The following PCDH15 variants were observed in gnomAD, a reference collection of about 807,000 sequenced individuals.
PCDH15 encodes protocadherin-15.
PCDH15 carries 129 observed loss-of-function variants against 178.5 expected under a neutral mutation model. That is an observed-to-expected ratio of 0.72 (90% CI 0.63 to 0.84). PCDH15 has a LOEUF of 0.84. PCDH15 is among the 40% of genes least tolerant of loss of function. The pLI, the probability that PCDH15 is intolerant of heterozygous loss-of-function variation, is 0.00. For synonymous variants in PCDH15, 800 were observed against 732.0 expected (o/e 1.09, Z -1.50); for missense variants, 2,230 against 2,099.9 (o/e 1.06, Z -1.21).
intron 26 of PCDH15, among the ~76,000 whole-genome samples, chr10:53,880,031 G>C (rs537678819): frequency 2.0e-5 from 3 of 152,102 alleles, no homozygotes; most frequent in Non-Finnish European, 4.4e-5. Context: ...TTTTGTATTT[G>C]TACTTTTTCA....
chr10:54,657,528 A>T (rs2094428271), intron 2 of PCDH15, among the ~76,000 whole-genome samples: 1 of 152,206 alleles, frequency 6.6e-6, no homozygotes, highest in Admixed American at 6.5e-5. Context: ...GCCTCGCAGG[A>T]GATAGTGTCA....
chr10:55,314,370 G>A (rs1588904575), intron 1 of PCDH15, among the ~76,000 whole-genome samples: 1 of 151,696 alleles, frequency 6.6e-6, no homozygotes, highest in Non-Finnish European at 1.5e-5. Context: ...TTTAACTGCT[G>A]AAGAAAAACA....
chr10:54,649,347 G>A (rs2094203643), intron 2 of PCDH15, among the ~76,000 whole-genome samples: 2 of 151,856 alleles, frequency 1.3e-5, no homozygotes, highest in East Asian at 1.9e-4. Flanking sequence ...TCAACATAAA[G>A]CGTAAAGAAT....
At chr10:55,196,566 A>G (rs1396857763) in intron 1 of PCDH15, among the ~76,000 whole-genome samples, 1 of 152,122 alleles carries the variant, frequency 6.6e-6, no homozygotes, top group Non-Finnish European at 1.5e-5. Context: ...GACATACAAC[A>G]AACATAAGGA....
At chr10:54,240,224 A>T (rs1399341096) in intron 8 of PCDH15, among the ~76,000 whole-genome samples, 1 of 152,084 alleles carries the variant, frequency 6.6e-6, no homozygotes, top group Admixed American at 6.6e-5. Flanking sequence ...CAGAGAGAAC[A>T]GAAGTAAAAT....
Position 53,803,595 on chromosome 10 carries a change from T to C in PCDH15, c.*2984A>G, listed in dbSNP as rs1840993289. The C allele has an allele frequency of 6.6e-6, 1 of 151,982 alleles. No individual in the cohort carries two copies. Among genetic ancestry groups the C allele is most frequent in the East Asian group, 1.9e-4 (1 of 5,186 alleles). The allele number at this position is 151,982 out of a possible 1,614,324, so 9.4% of individuals were successfully genotyped here. ...AAGATGGTTTTGGCCAACCTACGGT[T>C]GCAATTCTATGACAACTCTCAGAGT... is the stretch of plus-strand genomic sequence containing the variant. On this transcript the variant is annotated 3_prime_UTR_variant, in exon 38 of 38. Transcript: ENST00000644397.
chr10:53,851,717 TA>T (rs1428646247), intron 28 of PCDH15, among the ~76,000 whole-genome samples: 3 of 125,682 alleles, frequency 2.4e-5, no homozygotes, highest in African/African-American at 6.7e-5. Context: ...TATATATATA[TA>T]TATATTTACA....
chr10:53,912,207 C>G (rs2083152820), intron 25 of PCDH15, among the ~76,000 whole-genome samples: 1 of 152,164 alleles, frequency 6.6e-6, no homozygotes, highest in Admixed American at 6.5e-5. Context: ...ACATGATTAT[C>G]TCAATAAATG....
rs1406470633 is a variant in PCDH15 at position 53,823,324 on chromosome 10, C to T, written c.4368-3094G>A. 2 of 1,613,746 alleles carry T rather than the reference C, an allele frequency of 1.2e-6. No individual in the cohort carries two copies. Among genetic ancestry groups the T allele is most frequent in the Non-Finnish European group, 1.7e-6 (2 of 1,179,814 alleles). ...CTGTCTTCTGAGACTGAGTTATTTC[C>T]CCTGCTTTGTTGAAAATGGTAGAGA... On this transcript the variant is annotated intron_variant, in intron 32 of 37. Coordinates refer to ENST00000644397, the MANE Select transcript of PCDH15 (RefSeq NM_001384140.1).
intron 2 of PCDH15, among the ~76,000 whole-genome samples, chr10:55,136,419 T>C (rs956948592): frequency 2.6e-5 from 4 of 152,108 alleles, no homozygotes; most frequent in African/African-American, 9.7e-5. Flanking sequence ...AATGAAAATA[T>C]TTCCGCCTAT....
chr10:54,288,497 G>T (rs190513338), intron 8 of PCDH15, among the ~76,000 whole-genome samples: 1 of 152,244 alleles, frequency 6.6e-6, no homozygotes. Flanking sequence ...TGAGGTACTG[G>T]TTCATCTCAC....
intron 2 of PCDH15, among the ~76,000 whole-genome samples, chr10:54,653,379 T>C (rs1169043710): frequency 1.3e-5 from 2 of 152,210 alleles, no homozygotes; most frequent in African/African-American, 2.4e-5. Context: ...TAATTTACTA[T>C]AGCCACAGAG....
At chr10:54,874,065 G>A in intron 3 of PCDH15, among the ~76,000 whole-genome samples, 1 of 83,624 alleles carries the variant, frequency 1.2e-5, no homozygotes, top group Non-Finnish European at 2.3e-5. Context: ...CTGGTGCGCT[G>A]CACCCACTAA....
intron 15 of PCDH15, among the ~76,000 whole-genome samples, chr10:54,100,105 T>A (rs551057584): frequency 3.5e-4 from 53 of 152,142 alleles, no homozygotes; most frequent in Non-Finnish European, 5.4e-4. Flanking sequence ...TGGTGGCTCA[T>A]GACTGTAATC....
intron 20 of PCDH15, among the ~76,000 whole-genome samples, chr10:54,005,049 G>A (rs2092335770): frequency 6.6e-6 from 1 of 151,824 alleles, no homozygotes; most frequent in Non-Finnish European, 1.5e-5. Context: ...AAAGTGCCAG[G>A]AATGTAACCA....
At chr10:55,576,908 G>C (rs1156458431) in intron 2 of PCDH15, among the ~76,000 whole-genome samples, 1 of 152,094 alleles carries the variant, frequency 6.6e-6, no homozygotes, top group South Asian at 2.1e-4. Flanking sequence ...TACATGCTTT[G>C]AAGTATAATA....
At chr10:55,458,177 A>G (rs1285973173) in intron 2 of PCDH15, among the ~76,000 whole-genome samples, 1 of 152,066 alleles carries the variant, frequency 6.6e-6, no homozygotes, top group East Asian at 1.9e-4. Context: ...TTTTAAACAT[A>G]TAAGATAAAC....
intron 2 of PCDH15, among the ~76,000 whole-genome samples, chr10:55,005,226 A>AATAATAATAATAATCATCATC (rs34847205): frequency 1.0e-3 from 149 of 146,564 alleles, no homozygotes; most frequent in Middle Eastern, 3.5e-3. Flanking sequence ...TAATAATAAT[A>AATAATAATAATAATCATCATC]ATCAATGGAG....
intron 2 of PCDH15, among the ~76,000 whole-genome samples, chr10:55,339,935 GA>G (rs146876107): frequency 1.6e-4 from 22 of 140,964 alleles, no homozygotes; most frequent in Middle Eastern, 7.7e-3. Flanking sequence ...ATTAAACAAA[GA>G]AAAAAAAAAC....
Sources: gnomAD v4.1 joint callset for allele counts (sites outside exome capture counted in the v4.1 genomes callset) on GRCh38, gnomAD v4.1.1 for gene constraint, MANE v1.5 for transcripts, NCBI Gene and HGNC (gene_info 2026-07-23, HGNC 2026-07-21) for gene names.